PREX1: variants seen among roughly 807,000 people sequenced by gnomAD.
The protein encoded by PREX1 is phosphatidylinositol 3,4,5-trisphosphate-dependent Rac exchanger 1 protein.
Under a neutral mutation model 198.3 loss-of-function variants are expected in PREX1, and 41 were observed. That is an observed-to-expected ratio of 0.21 (90% CI 0.16 to 0.27). The LOEUF (loss-of-function observed/expected upper bound fraction) is 0.27, where lower values mean the gene tolerates loss of function less well. PREX1 is among the 10% of genes least tolerant of loss of function. The probability of loss-of-function intolerance (pLI) is 1.00; values close to 1 mark genes in which losing one functional copy is unlikely to be tolerated. For synonymous variants in PREX1, 843 were observed against 887.2 expected, an observed-to-expected ratio of 0.95 and a Z score of 0.89; for missense variants, 1,620 against 2,200.7, an observed-to-expected ratio of 0.74 and a Z score of 5.28.
At position 48,758,942 on chromosome 20, in the gene PREX1, C is replaced by T. The variant is rs565640223; in HGVS notation, c.220-11062G>A. Among the ~76,000 whole-genome samples the T allele has an allele frequency of 2.6e-5, 4 of 152,260 alleles. No individual in the cohort carries two copies. In the East Asian group the frequency reaches 7.7e-4, roughly 29 times the overall value. On this transcript the variant is annotated intron_variant, in intron 1 of 39. Coordinates refer to ENST00000371941, the MANE Select transcript of PREX1 (RefSeq NM_020820.4). ...GCTGCATCTGCGGGGAACCCATACACATTCCCCTGCGGAGGCCAAAGATAT... is the reference window on the plus strand; with the variant it reads ...GCTGCATCTGCGGGGAACCCATACATATTCCCCTGCGGAGGCCAAAGATAT...
At chr20:48,766,095 A>G (rs923993023) in intron 1 of PREX1, among the ~76,000 whole-genome samples, 98 of 152,334 alleles carry the variant, frequency 6.4e-4, no homozygotes, top group African/African-American at 2.2e-3. Context: ...CAGGAAAACA[A>G]GCTCAGGGTT....
chr20:48,747,955 C>G (rs1352741268), intron 1 of PREX1, 75 bp from the exon 2 acceptor site: 1 of 1,380,494 alleles, frequency 7.2e-7, no homozygotes, highest in East Asian at 2.4e-5. Flanking sequence ...AGAAGGCTCT[C>G]AAGTTCAAAT....
Position 48,629,479 on chromosome 20 carries a change from T to C in PREX1, c.4736A>G (p.Gln1579Arg). 1 of 1,613,900 alleles carries C rather than the reference T, an allele frequency of 6.2e-7. No homozygotes were observed. Among genetic ancestry groups the C allele is most frequent in the Non-Finnish European group, 8.5e-7 (1 of 1,179,880 alleles). ...SELCYRLGAC[Q>R]MVMCGTGMQR... is the part of the protein sequence containing the mutation. The stretch of plus-strand genomic sequence containing the variant: ...CATGCCTGTGCCACACATGACCATC[T>C]GGCAGGCCCCCAGGCGGTAGCAGAG... The change falls in exon 37 of 40, where the codon CAG becomes CGG. Residue 1579 changes from glutamine to arginine, a missense_variant. Around this residue, in one of 7 missense-constraint regions of PREX1, gnomAD observed 476 missense variants for 603.4 expected, o/e 0.79. Transcript: ENST00000371941.
chr20:48,726,126 G>A (rs1366001335), intron 5 of PREX1, among the ~76,000 whole-genome samples, 164 bp downstream of exon 5: 1 of 152,234 alleles, frequency 6.6e-6, no homozygotes, highest in African/African-American at 2.4e-5. Context: ...CTGAATGGTG[G>A]AAAGCAGGGT....
intron 31 of PREX1, among the ~76,000 whole-genome samples, chr20:48,637,181 A>T (rs1298940927): frequency 6.6e-6 from 1 of 152,170 alleles, no homozygotes; most frequent in African/African-American, 2.4e-5. Context: ...GGTCTGAAGA[A>T]CTGGCCAGTT....
intron 5 of PREX1, among the ~76,000 whole-genome samples, chr20:48,720,203 T>C (rs1415108889): frequency 6.6e-6 from 1 of 152,214 alleles, no homozygotes; most frequent in African/African-American, 2.4e-5. Flanking sequence ...GACCACATTA[T>C]CTAAACCTGC....
intron 7 of PREX1, among the ~76,000 whole-genome samples, chr20:48,693,847 A>T (rs2089832053): frequency 6.6e-6 from 1 of 151,290 alleles, no homozygotes; most frequent in Admixed American, 6.6e-5. Flanking sequence ...TGACCTCATG[A>T]TCTGCCTGCC....
chr20:48,727,075 G>C (rs1271765029), intron 4 of PREX1, among the ~76,000 whole-genome samples: 1 of 152,208 alleles, frequency 6.6e-6, no homozygotes, highest in Non-Finnish European at 1.5e-5. Context: ...TTTATGGAGA[G>C]CATGTATGAG....
the PREX1 span, among the ~76,000 whole-genome samples, chr20:48,870,351 A>C: frequency 6.6e-6 from 1 of 151,928 alleles, no homozygotes; most frequent in South Asian, 2.1e-4. Context: ...CCCAACTCCA[A>C]CTCTTCAAAG....
the PREX1 span, among the ~76,000 whole-genome samples, chr20:48,862,788 A>ATAT: frequency 2.0e-4 from 10 of 49,820 alleles, no homozygotes; most frequent in African/African-American, 1.1e-3. Flanking sequence ...CCTAAAAAAA[A>ATAT]AAATATATAT....
chr20:48,781,646 T>C (rs1016463598), intron 1 of PREX1, among the ~76,000 whole-genome samples: 7 of 152,032 alleles, frequency 4.6e-5, no homozygotes, highest in South Asian at 2.1e-4. Flanking sequence ...CAAGAGTCTA[T>C]AGCTAGAAAA....
At chr20:48,774,100 C>G (rs1271762476) in intron 1 of PREX1, among the ~76,000 whole-genome samples, 1 of 152,190 alleles carries the variant, frequency 6.6e-6, no homozygotes, top group Non-Finnish European at 1.5e-5. Flanking sequence ...TTTATTGAGA[C>G]AGGAAGACTG....
rs1221557459 is a variant in PREX1 at position 48,747,861 on chromosome 20, C to T, written c.239G>A (p.Arg80Gln). ...CTCCACTGAGTCGGCCACGTTCTGC[C>T]GGATGCGATGCAGGAATGCCTGGAG... is the stretch of plus-strand genomic sequence containing the variant. ...FLQSAFLHRI[R>Q]QNVADSVEKG... Residue 80 changes from arginine (R) to glutamine (Q), a missense_variant, in exon 2 of 40, where the codon CGG (arginine) becomes CAG (glutamine). Physicochemically the swap from Arg to Gln is conservative, Grantham distance 43 (BLOSUM62 1). Coordinates refer to ENST00000371941, the MANE Select transcript of PREX1 (RefSeq NM_020820.4). The T allele has an allele frequency of 4.3e-6, 7 of 1,613,344 alleles. No individual in the cohort carries two copies. Among genetic ancestry groups the T allele is most frequent in the Non-Finnish European group, 5.9e-6 (7 of 1,179,750 alleles).
chr20:48,721,004 G>A (rs1038841792), intron 5 of PREX1, among the ~76,000 whole-genome samples: 2 of 152,196 alleles, frequency 1.3e-5, no homozygotes, highest in Admixed American at 6.5e-5. Context: ...TGTTCCGAAT[G>A]GACAGGTCCC....
At chr20:48,673,592 T>C (rs1210468653) in intron 14 of PREX1, among the ~76,000 whole-genome samples, 1 of 152,208 alleles carries the variant, frequency 6.6e-6, no homozygotes, top group Non-Finnish European at 1.5e-5. Context: ...CTCTGGGCTC[T>C]GACTGAAGCA....
intron 4 of PREX1, among the ~76,000 whole-genome samples, chr20:48,729,730 A>ACGCTGTT: frequency 6.6e-6 from 1 of 152,104 alleles, no homozygotes; most frequent in African/African-American, 2.4e-5. Flanking sequence ...CACCACAACC[A>ACGCTGTT]CGCTGTTCGC....
At chr20:48,770,461 A>G (rs2090230291) in intron 1 of PREX1, among the ~76,000 whole-genome samples, 1 of 152,208 alleles carries the variant, frequency 6.6e-6, no homozygotes, top group South Asian at 2.1e-4. Context: ...CTGTAATCCC[A>G]GCACTTTGGA....
intron 25 of PREX1, among the ~76,000 whole-genome samples, chr20:48,648,122 G>A (rs2089464971): frequency 6.6e-6 from 1 of 152,182 alleles, no homozygotes; most frequent in East Asian, 1.9e-4. Context: ...GCCCAGGCTG[G>A]TCTCAAAGTC....
chr20:48,789,020 C>A (rs575636074), intron 1 of PREX1, among the ~76,000 whole-genome samples: 9 of 152,240 alleles, frequency 5.9e-5, no homozygotes, highest in South Asian at 2.1e-4. Flanking sequence ...AAGAAAGTTT[C>A]TTTTCTTTAT....
Sources: gnomAD v4.1 joint callset for allele counts (sites outside exome capture counted in the v4.1 genomes callset) on GRCh38, gnomAD v4.1.1 for gene constraint, gnomAD v4.1.1 regional missense constraint, MANE v1.5 for transcripts, NCBI Gene and HGNC (gene_info 2026-07-23, HGNC 2026-07-21) for gene names.